Variants in PDE7B observed in about 807,000 individuals in gnomAD.
PDE7B encodes the protein phosphodiesterase 7B.
PDE7B carries 29 observed loss-of-function variants against 56.2 expected under a neutral mutation model. The observed-to-expected ratio is 0.52, with a 90% CI of 0.38 to 0.70. The LOEUF (loss-of-function observed/expected upper bound fraction) is 0.70, where lower values mean the gene tolerates loss of function less well. PDE7B is among the 30% of genes least tolerant of loss of function. The pLI, the probability that PDE7B is intolerant of heterozygous loss-of-function variation, is 0.00. For synonymous variants in PDE7B, 197 were observed against 196.9 expected (o/e 1.00, Z 0.00); for missense variants, 490 against 565.0 (o/e 0.87, Z 1.35).
At chr6:135,956,353 G>A (rs1421612103) in intron 2 of PDE7B, among the ~76,000 whole-genome samples, 1 of 152,146 alleles carries the variant, frequency 6.6e-6, no homozygotes, top group Admixed American at 6.6e-5. Flanking sequence ...ATGAGATAAA[G>A]CCTAAAAAGT....
At chr6:136,130,399 G>C (rs1265747395) in intron 3 of PDE7B, among the ~76,000 whole-genome samples, 1 of 152,046 alleles carries the variant, frequency 6.6e-6, no homozygotes, top group African/African-American at 2.4e-5. Context: ...ATATATACCA[G>C]GTGCCATCTT....
chr6:136,016,615 C>T (rs957823756), intron 2 of PDE7B, among the ~76,000 whole-genome samples: 2 of 152,240 alleles, frequency 1.3e-5, no homozygotes, highest in East Asian at 1.9e-4. Context: ...AGGACTATGA[C>T]GGAGCCAGAA....
intron 2 of PDE7B, among the ~76,000 whole-genome samples, chr6:136,060,683 A>G (rs1341094567): frequency 6.6e-6 from 1 of 152,172 alleles, no homozygotes; most frequent in African/African-American, 2.4e-5. Context: ...AGTCACATAA[A>G]TGACTTGTCC....
At chr6:136,164,929 A>G (rs530998765) in intron 8 of PDE7B, among the ~76,000 whole-genome samples, 1 of 152,314 alleles carries the variant, frequency 6.6e-6, no homozygotes, top group South Asian at 2.1e-4. Context: ...CACATTTAAT[A>G]CCCAGAAGAG....
chr6:135,998,182 A>T (rs375654738), intron 2 of PDE7B, among the ~76,000 whole-genome samples: 3 of 152,178 alleles, frequency 2.0e-5, no homozygotes, highest in African/African-American at 7.2e-5. Flanking sequence ...AGAGATTTTC[A>T]TAGTTTTTCC....
chr6:136,175,215 G>T lies in PDE7B; in HGVS notation c.803+1327G>T, dbSNP rs180745918. Among the ~76,000 whole-genome samples the T allele has an allele frequency of 4.7e-3, 713 of 152,198 alleles. 5 individuals are homozygous for T. The highest frequency in any genetic ancestry group is 0.017 in the African/African-American group (687 of 41,530). On this transcript the variant is annotated intron_variant, in intron 9 of 12. Transcript: ENST00000308191. ...GAACACAGTGTTATAAATTGTTTTTGCCAGAAGAATAATTGTTATACAATA... is the reference window on the plus strand; with the variant it reads ...GAACACAGTGTTATAAATTGTTTTTTCCAGAAGAATAATTGTTATACAATA...
intron 2 of PDE7B, among the ~76,000 whole-genome samples, chr6:136,000,548 A>C (rs112780573): frequency 0.013 from 2,030 of 152,292 alleles, 56 homozygotes; most frequent in African/African-American, 0.045. Context: ...GTTGAAGATC[A>C]GATGGCTAAA....
chr6:135,936,245 A>G (rs1774418323), intron 1 of PDE7B, among the ~76,000 whole-genome samples: 1 of 152,248 alleles, frequency 6.6e-6, no homozygotes, highest in Admixed American at 6.5e-5. Flanking sequence ...TCATTCAGTT[A>G]CAGGCTGGAT....
chr6:135,922,121 T>C (rs1356534904), intron 1 of PDE7B, among the ~76,000 whole-genome samples: 1 of 152,190 alleles, frequency 6.6e-6, no homozygotes, highest in Non-Finnish European at 1.5e-5. Context: ...TAACATTGTT[T>C]ATTCTAACTC....
intron 2 of PDE7B, among the ~76,000 whole-genome samples, chr6:136,062,191 CT>C (rs1776856353): frequency 6.6e-6 from 1 of 152,022 alleles, no homozygotes; most frequent in Non-Finnish European, 1.5e-5. Context: ...TACTATTATC[CT>C]TTTTTAAAAA....
In PDE7B at chr6:135,855,028, C is replaced by T. The variant is rs368176691; in HGVS notation, c.21+3009C>T. Among the ~76,000 whole-genome samples the T allele has an allele frequency of 5.9e-5, 9 of 152,064 alleles. No homozygotes were observed. In the East Asian group the frequency reaches 1.2e-3, roughly 20 times the overall value. Reference sequence around the variant, plus strand: ...ATTTCATGAAGTGCACTAGAAAGGGCGGTGAACAGAGGTAGTGAACCAAGG... The same window carrying T: ...ATTTCATGAAGTGCACTAGAAAGGGTGGTGAACAGAGGTAGTGAACCAAGG... On this transcript the variant is annotated intron_variant, in intron 1 of 12. Transcript: ENST00000308191.
intron 1 of PDE7B, 78 bp downstream of exon 1, chr6:135,852,097 T>C: frequency 1.0e-6 from 1 of 970,930 alleles, no homozygotes; most frequent in Non-Finnish European, 1.7e-6. Context: ...GGATTTTTAT[T>C]TAAAATGAAC....
intron 8 of PDE7B, among the ~76,000 whole-genome samples, chr6:136,167,591 T>C (rs1392257420): frequency 2.4e-4 from 36 of 152,176 alleles, no homozygotes; most frequent in Admixed American, 2.4e-3. Flanking sequence ...CTTTCTTTGG[T>C]AAATTGCCCA....
rs1473482784 is a variant in PDE7B, at chr6:136,050,965, CCTGT to C, written c.83-57761_83-57758del. 3.3e-5 allele frequency among the ~76,000 whole-genome samples: 5 copies of C among 152,238 alleles called. No individual in the cohort carries two copies. In the South Asian group the frequency reaches 1.0e-3, roughly 32 times the overall value. ...GGCTGCCTGCTAATGCCGTTCAGAG[CCTGT>C]CTGTTTATGACTACCCAAATAAGTC... On this transcript the variant is annotated intron_variant, in intron 2 of 12. Coordinates refer to ENST00000308191, the MANE Select transcript of PDE7B (RefSeq NM_018945.4).
At chr6:136,168,601 A>T (rs903187850) in intron 8 of PDE7B, among the ~76,000 whole-genome samples, 3 of 152,188 alleles carry the variant, frequency 2.0e-5, no homozygotes, top group Admixed American at 6.6e-5. Flanking sequence ...TTGAAGAAAA[A>T]CAATGAAAAA....
rs755458024 is a variant in PDE7B at position 135,918,584 on chromosome 6, G to A, written c.22-28880G>A. ...AGTGAAAGTATTTGCAAAAGACAGC[G>A]TATCCCCTCCTGTAAGATGAAAGTC... On this transcript the variant is annotated intron_variant, in intron 1 of 12. Transcript: ENST00000308191. Among the ~76,000 whole-genome samples the A allele has an allele frequency of 3.3e-5, 5 of 151,928 alleles. No homozygotes were observed. In the East Asian group the frequency reaches 5.8e-4, roughly 18 times the overall value.
rs908456365 is a variant in PDE7B, at chr6:135,940,815, C to A, written c.22-6649C>A. ...TGCAGAAATGTCCTGGAAAAATAATCTCTTCTCATGCTACCCCAGAAAACT... is the reference window on the plus strand; with the variant it reads ...TGCAGAAATGTCCTGGAAAAATAATATCTTCTCATGCTACCCCAGAAAACT... On this transcript the variant is annotated intron_variant, in intron 1 of 12. Coordinates refer to ENST00000308191, the MANE Select transcript of PDE7B (RefSeq NM_018945.4). Among the ~76,000 whole-genome samples the A allele has an allele frequency of 2.0e-5, 3 of 152,186 alleles. 1 individual carries two copies. In the South Asian group the frequency reaches 6.2e-4, roughly 31 times the overall value.
chr6:135,865,713 T>C (rs906571946), intron 1 of PDE7B, among the ~76,000 whole-genome samples: 1 of 151,910 alleles, frequency 6.6e-6, no homozygotes, highest in African/African-American at 2.4e-5. Context: ...AGTGTGATGT[T>C]ATCTGTCTCT....
intron 1 of PDE7B, among the ~76,000 whole-genome samples, chr6:135,943,383 T>TCTA (rs1774540134): frequency 6.6e-6 from 1 of 152,198 alleles, no homozygotes; most frequent in African/African-American, 2.4e-5. Context: ...AAGCCCGTGC[T>TCTA]CTACTAGATG....
Sources: gnomAD v4.1 joint callset for allele counts (sites outside exome capture counted in the v4.1 genomes callset) on GRCh38, gnomAD v4.1.1 for gene constraint, MANE v1.5 for transcripts, NCBI Gene and HGNC (gene_info 2026-07-23, HGNC 2026-07-21) for gene names.